Variants in MSN observed in about 807,000 individuals in gnomAD.
The protein encoded by MSN is epididymis luminal protein 70.
In MSN, 2 loss-of-function variants were observed where a neutral mutation model predicts 48.0. The observed-to-expected ratio is 0.04, with a 90% CI of 0.02 to 0.13. The LOEUF (loss-of-function observed/expected upper bound fraction) is 0.13, where lower values mean the gene tolerates loss of function less well. MSN is among the 10% of genes least tolerant of loss of function. The pLI is 1.00. For missense variants in MSN, 267 were observed against 470.1 expected (o/e 0.57, Z 3.99); for synonymous variants, 146 against 166.9 (o/e 0.87, Z 0.97).
At chrX:65,614,642 G>C (rs1602719116) in intron 1 of MSN, among the ~76,000 whole-genome samples, 1 of 102,694 alleles carries the variant, frequency 9.7e-6, no homozygotes, top group Non-Finnish European at 2.0e-5. Context: ...TTGTGAATCA[G>C]AGTTCATTCA....
Position 65,642,144 on chromosome X carries a change from A to AG in MSN, c.-22+53532_-22+53533insG, listed in dbSNP as rs1292085315. On this transcript the variant is annotated intron_variant, in intron 1 of 3. Coordinates refer to the MSN transcript ENST00000609672. ...AGCGAAACTCCATCTCAAAAAAAAA[A>AG]AAAAAAAAAGAAAGAAACGAAAACA... Among the ~76,000 whole-genome samples the AG allele has an allele frequency of 1.0e-4, 11 of 108,601 alleles. 1 individual carries two copies. The Admixed American group carries it at 1.1e-3, about 11-fold the overall frequency. The allele number at this position is 108,601 out of a possible 115,157, so 94.3% of individuals were successfully genotyped here.
At chrX:65,615,702 T>C (rs1372720508) in intron 1 of MSN, among the ~76,000 whole-genome samples, 1 of 108,317 alleles carries the variant, frequency 9.2e-6, no homozygotes, top group African/African-American at 3.4e-5. Flanking sequence ...AGAAGCTCTT[T>C]AGTTTAATTA....
rs201125604 is a variant in MSN at position 65,728,293 on chromosome X, TTTTTG to T, written c.192+399_192+403del. On this transcript the variant is annotated intron_variant, in intron 3 of 12. Transcript: ENST00000360270. ...GATTTGTGTTTTTTTTGTTTGTTTG[TTTTTG>T]TTTTGTTTTGTTTTTGACGGAGTCT... 5.1e-4 allele frequency among the ~76,000 whole-genome samples: 57 copies of T among 111,200 alleles called. 1 individual carries two copies. The highest frequency in any genetic ancestry group is 4.3e-3 in the East Asian group (15 of 3,529).
chrX:65,717,707 C>T (rs2071480297), intron 2 of MSN, among the ~76,000 whole-genome samples: 1 of 111,861 alleles, frequency 8.9e-6, no homozygotes, highest in African/African-American at 3.3e-5. Context: ...GCTGGGACCT[C>T]ACCAGACAGG....
intron 1 of MSN, among the ~76,000 whole-genome samples, chrX:65,658,343 C>T: frequency 9.0e-6 from 1 of 111,623 alleles, no homozygotes; most frequent in African/African-American, 3.3e-5. Context: ...GAGTGTGGGG[C>T]CCCAAGCTGA....
intron 8 of MSN, among the ~76,000 whole-genome samples, chrX:65,736,281 A>C (rs1386041778): frequency 9.0e-6 from 1 of 110,921 alleles, no homozygotes; most frequent in Non-Finnish European, 1.9e-5. Flanking sequence ...TCAGGGGTAC[A>C]TTGACAGGGC....
chrX:65,603,905 A>G (rs889446423), intron 1 of MSN, among the ~76,000 whole-genome samples: 1 of 112,341 alleles, frequency 8.9e-6, no homozygotes, highest in African/African-American at 3.2e-5. Context: ...GTCACAGTCA[A>G]GAGAGACAGA....
intron 1 of MSN, among the ~76,000 whole-genome samples, chrX:65,622,902 C>A (rs1327638073): frequency 9.0e-6 from 1 of 111,610 alleles, no homozygotes; most frequent in Non-Finnish European, 1.9e-5. Flanking sequence ...CATAAATGTT[C>A]TTTTTCATGT....
chrX:65,733,339 A>G (rs2071642166), intron 7 of MSN, 59 bp downstream of exon 7: 1 of 910,008 alleles, frequency 1.1e-6, no homozygotes, highest in African/African-American at 2.0e-5. Context: ...ATAATGAGCA[A>G]TCATGCTATT....
chrX:65,658,459 A>G (rs1020271009), intron 1 of MSN, among the ~76,000 whole-genome samples: 24 of 112,378 alleles, frequency 2.1e-4, no homozygotes, highest in Non-Finnish European at 3.6e-4. Flanking sequence ...CCCAAGAGCA[A>G]ATGTGCTGAG....
intron 1 of MSN, among the ~76,000 whole-genome samples, chrX:65,627,067 C>T (rs1208039587): frequency 9.0e-6 from 1 of 110,798 alleles, no homozygotes; most frequent in Non-Finnish European, 1.9e-5. Flanking sequence ...CCTTGATTTA[C>T]TTGGTTGTTG....
intron 2 of MSN, among the ~76,000 whole-genome samples, chrX:65,719,815 G>T (rs1198566964): frequency 8.9e-6 from 1 of 111,802 alleles, no homozygotes; most frequent in African/African-American, 3.3e-5. Context: ...ATTGCAGGGG[G>T]ATGGCTGTGG....
intron 1 of MSN, among the ~76,000 whole-genome samples, chrX:65,637,961 T>G (rs113293104): frequency 0.024 from 2,688 of 112,150 alleles, 92 homozygotes; most frequent in African/African-American, 0.082. Flanking sequence ...ACTGATTTAC[T>G]TGTTTATTGC....
chrX:65,618,288 T>C (rs1340491286), intron 1 of MSN, among the ~76,000 whole-genome samples: 3 of 111,282 alleles, frequency 2.7e-5, no homozygotes, highest in African/African-American at 9.8e-5. Flanking sequence ...TGTTGATCTG[T>C]CTAATGTTGA....
At chrX:65,624,206 G>A (rs2070481970) in intron 1 of MSN, among the ~76,000 whole-genome samples, 1 of 109,486 alleles carries the variant, frequency 9.1e-6, no homozygotes, top group African/African-American at 3.4e-5. Context: ...AGCCTCCCAA[G>A]TAGCTGGGAT....
At chrX:65,730,879 CTTG>C (rs1439734135) in intron 4 of MSN, among the ~76,000 whole-genome samples, 1 of 111,570 alleles carries the variant, frequency 9.0e-6, no homozygotes, top group African/African-American at 3.3e-5. Context: ...AGGTGTTCCC[CTTG>C]TTGTTTTTGA....
chrX:65,651,563 T>TATC (rs2070742432), intron 1 of MSN, among the ~76,000 whole-genome samples: 1 of 58,362 alleles, frequency 1.7e-5, no homozygotes, highest in East Asian at 3.6e-4. Context: ...AAGTAATATT[T>TATC]ATTATTATTA....
chrX:65,694,846 AAGG>A (rs929260454), intron 1 of MSN, among the ~76,000 whole-genome samples: 1 of 111,902 alleles, frequency 8.9e-6, no homozygotes, highest in African/African-American at 3.3e-5. Flanking sequence ...AGTAGTAGAA[AAGG>A]AGAAGAGGGA....
intron 1 of MSN, among the ~76,000 whole-genome samples, chrX:65,693,576 C>T (rs1035525626): frequency 1.3e-4 from 14 of 111,750 alleles, no homozygotes; most frequent in African/African-American, 2.9e-4. Context: ...GGTCTTCCTG[C>T]GATTTTTTTG....
Sources: gnomAD v4.1 joint callset for allele counts (sites outside exome capture counted in the v4.1 genomes callset) on GRCh38, gnomAD v4.1.1 for gene constraint, MANE v1.5 for transcripts, NCBI Gene and HGNC (gene_info 2026-07-23, HGNC 2026-07-21) for gene names.